Variants in LRRC4C observed in about 807,000 individuals in gnomAD.
LRRC4C encodes the protein leucine rich repeat containing 4C.
LRRC4C carries 5 observed loss-of-function variants against 33.6 expected under a neutral mutation model. The observed-to-expected ratio is 0.15, with a 90% confidence interval of 0.08 to 0.31. LRRC4C has a LOEUF of 0.31. Ranked by LOEUF, LRRC4C falls within the 10% of genes least tolerant of loss-of-function variation. The pLI is 1.00. For missense variants in LRRC4C, 560 were observed against 796.7 expected, an observed-to-expected ratio of 0.70 and a Z score of 3.58; for synonymous variants, 329 against 302.0, an observed-to-expected ratio of 1.09 and a Z score of -0.93.
chr11:41,275,631 T>C (rs920445921), intron 1 of LRRC4C, among the ~76,000 whole-genome samples: 4 of 152,204 alleles, frequency 2.6e-5, no homozygotes, highest in African/African-American at 9.6e-5. Flanking sequence ...ACAGTTCCAA[T>C]GTTAGAAATT....
chr11:41,023,571 A>G (rs1856129491), intron 1 of LRRC4C, among the ~76,000 whole-genome samples: 1 of 151,836 alleles, frequency 6.6e-6, no homozygotes, highest in African/African-American at 2.4e-5. Context: ...GCAGCTCCAG[A>G]ATTTCTAGGC....
intron 1 of LRRC4C, among the ~76,000 whole-genome samples, chr11:41,429,735 A>T (rs1474204258): frequency 2.6e-5 from 4 of 152,162 alleles, no homozygotes; most frequent in African/African-American, 9.7e-5. Context: ...GCAGAATGGC[A>T]AAGAAATTGC....
intron 1 of LRRC4C, among the ~76,000 whole-genome samples, chr11:41,090,015 C>CA (rs11366324): frequency 0.064 from 9,686 of 150,542 alleles, 383 homozygotes; most frequent in Non-Finnish European, 0.096. Context: ...TATTGATATT[C>CA]AAAAAAAAAT....
At chr11:40,161,120 T>C (rs1859116915) in intron 5 of LRRC4C, among the ~76,000 whole-genome samples, 1 of 152,034 alleles carries the variant, frequency 6.6e-6, no homozygotes, top group Non-Finnish European at 1.5e-5. Flanking sequence ...TATGAATAAG[T>C]TTTAGTAGGA....
intron 2 of LRRC4C, among the ~76,000 whole-genome samples, chr11:40,753,441 A>G (rs1210599893): frequency 6.6e-6 from 1 of 151,910 alleles, no homozygotes; most frequent in Non-Finnish European, 1.5e-5. Flanking sequence ...AATACATAAA[A>G]AACCAATATA....
intron 1 of LRRC4C, among the ~76,000 whole-genome samples, chr11:41,266,308 G>A (rs186189874): frequency 6.6e-6 from 1 of 152,184 alleles, no homozygotes; most frequent in Non-Finnish European, 1.5e-5. Flanking sequence ...TACTATGCAG[G>A]ACCTCATTGC....
At chr11:40,518,998 GC>G (rs1955689092) in intron 3 of LRRC4C, among the ~76,000 whole-genome samples, 1 of 152,030 alleles carries the variant, frequency 6.6e-6, no homozygotes, top group Non-Finnish European at 1.5e-5. Flanking sequence ...GAACAGAAAA[GC>G]AAACAATGCA....
At chr11:41,131,300 G>A (rs536987203) in intron 1 of LRRC4C, among the ~76,000 whole-genome samples, 130 of 152,044 alleles carry the variant, frequency 8.6e-4, no homozygotes, top group Non-Finnish European at 1.7e-3. Context: ...CTTTACTTCT[G>A]TCTTCTCTCC....
chr11:41,441,312 A>G (rs187900778), intron 1 of LRRC4C, among the ~76,000 whole-genome samples: 279 of 152,238 alleles, frequency 1.8e-3, no homozygotes, highest in Non-Finnish European at 3.2e-3. Flanking sequence ...GGTGGAAGGT[A>G]GAGGCAAAAT....
intron 2 of LRRC4C, among the ~76,000 whole-genome samples, chr11:40,828,869 C>T (rs561918613): frequency 3.3e-5 from 5 of 151,590 alleles, no homozygotes; most frequent in South Asian, 2.1e-4. Flanking sequence ...CAAAACTACC[C>T]GAGCCATAAA....
At chr11:40,839,514 G>C (rs1440439649) in intron 2 of LRRC4C, among the ~76,000 whole-genome samples, 1 of 152,072 alleles carries the variant, frequency 6.6e-6, no homozygotes. Flanking sequence ...CCAAAGTGCT[G>C]GGATTACAGG....
At chr11:40,620,977 T>C (rs1962394336) in intron 3 of LRRC4C, among the ~76,000 whole-genome samples, 1 of 151,684 alleles carries the variant, frequency 6.6e-6, no homozygotes, top group Non-Finnish European at 1.5e-5. Flanking sequence ...TACAAGCTTG[T>C]TTTTTTCTGA....
chr11:40,591,914 A>G (rs1354736793), intron 3 of LRRC4C, among the ~76,000 whole-genome samples: 1 of 152,212 alleles, frequency 6.6e-6, no homozygotes, highest in Non-Finnish European at 1.5e-5. Flanking sequence ...ACTGTAACCA[A>G]TCGAATTCTT....
chr11:41,157,212 T>C (rs947326671), intron 1 of LRRC4C, among the ~76,000 whole-genome samples: 3 of 152,036 alleles, frequency 2.0e-5, no homozygotes, highest in African/African-American at 7.2e-5. Flanking sequence ...AAGATGAGGG[T>C]AAATGTTCCA....
At chr11:40,892,417 A>C (rs551200796) in intron 2 of LRRC4C, among the ~76,000 whole-genome samples, 1 of 152,286 alleles carries the variant, frequency 6.6e-6, no homozygotes, top group South Asian at 2.1e-4. Flanking sequence ...CATATGACCC[A>C]GCAACCCCAC....
chr11:40,166,159 C>G (rs1317481152), intron 5 of LRRC4C, among the ~76,000 whole-genome samples: 2 of 152,088 alleles, frequency 1.3e-5, no homozygotes, highest in Non-Finnish European at 2.9e-5. Flanking sequence ...TATAGCAGCA[C>G]TATGTAGTCC....
intron 1 of LRRC4C, among the ~76,000 whole-genome samples, chr11:41,361,862 GA>G (rs1163185550): frequency 1.3e-5 from 2 of 151,978 alleles, no homozygotes; most frequent in Non-Finnish European, 2.9e-5. Context: ...TATCCAATCT[GA>G]ATTCCTGGAG....
At chr11:41,156,704 A>C (rs993665992) in intron 1 of LRRC4C, among the ~76,000 whole-genome samples, 1 of 152,058 alleles carries the variant, frequency 6.6e-6, no homozygotes, top group African/African-American at 2.4e-5. Context: ...TAGCAAGAAA[A>C]GCGGAGGGGC....
chr11:40,865,460 A>G (rs775003984), intron 2 of LRRC4C, among the ~76,000 whole-genome samples: 33 of 151,966 alleles, frequency 2.2e-4, no homozygotes, highest in Middle Eastern at 3.4e-3. Flanking sequence ...AATGATGACT[A>G]TATGAGGCAA....
Sources: allele counts gnomAD v4.1 joint callset (sites outside exome capture counted in the v4.1 genomes callset), GRCh38; gene constraint gnomAD v4.1.1; transcripts MANE v1.5; gene names NCBI Gene and HGNC (gene_info 2026-07-23, HGNC 2026-07-21).